The following BARD1 variants were observed in gnomAD, a reference collection of about 807,000 sequenced individuals.
The protein encoded by BARD1 is BRCA1-associated RING domain protein 1.
In BARD1, 73 loss-of-function variants were observed where a neutral mutation model predicts 77.0. The ratio of observed to expected loss-of-function variants is 0.95; its 90% CI spans 0.79 to 1.15. The LOEUF (loss-of-function observed/expected upper bound fraction) is 1.15. BARD1 is among the 50% of genes most tolerant of loss of function. The pLI is 0.00. For synonymous variants in BARD1, 384 were observed against 338.0 expected (o/e 1.14, Z -1.49); for missense variants, 993 against 938.8 (o/e 1.06, Z -0.75).
At chr2:214,801,081 T>C (rs529724567) in intron 1 of BARD1, among the ~76,000 whole-genome samples, 1 of 152,258 alleles carries the variant, frequency 6.6e-6, no homozygotes, top group South Asian at 2.1e-4. Flanking sequence ...TCAGGGGTGA[T>C]GAAGGATGAA....
At chr2:214,793,129 G>A (rs1224833143) in intron 2 of BARD1, among the ~76,000 whole-genome samples, 2 of 152,158 alleles carry the variant, frequency 1.3e-5, no homozygotes, top group African/African-American at 4.8e-5. Context: ...GGCCTCACCA[G>A]ATGGGTTCCA....
intron 6 of BARD1, among the ~76,000 whole-genome samples, chr2:214,763,037 T>G (rs534818533): frequency 5.3e-5 from 8 of 152,150 alleles, no homozygotes; most frequent in Non-Finnish European, 1.2e-4. Flanking sequence ...CACACAGCCT[T>G]TCAAAGACCC....
chr2:214,727,628 T>C lies in BARD1; in HGVS notation c.*1048A>G, dbSNP rs949976476. 4.3e-5 allele frequency: 10 copies of C among 231,544 alleles called. No individual in the cohort carries two copies. In the Admixed American group the frequency reaches 5.6e-4, roughly 13 times the overall value. The allele number at this position is 231,544 out of a possible 1,614,324, so 14.3% of individuals were successfully genotyped here. On this transcript the variant is annotated 3_prime_UTR_variant, in exon 11 of 11. Transcript: ENST00000260947. ...TAAGGCCTTGCCTATTTGATATTAG[T>C]AAGCCCTCCCCATACCTACTTCTAT...
intron 7 of BARD1, among the ~76,000 whole-genome samples, chr2:214,750,740 A>C (rs988451257): frequency 2.0e-5 from 3 of 152,136 alleles, no homozygotes; most frequent in African/African-American, 7.2e-5. Flanking sequence ...TCAGGGAAAG[A>C]CTTTAGTGTC....
intron 3 of BARD1, among the ~76,000 whole-genome samples, chr2:214,783,025 T>C (rs1484198814): frequency 1.3e-5 from 2 of 152,160 alleles, no homozygotes; most frequent in Non-Finnish European, 2.9e-5. Flanking sequence ...GCAGAGAGCA[T>C]ACAAAGTTGT....
At chr2:214,787,920 T>G (rs74494776) in intron 3 of BARD1, among the ~76,000 whole-genome samples, 5,446 of 152,076 alleles carry the variant, frequency 0.036, 113 homozygotes, top group Middle Eastern at 0.065. Flanking sequence ...CAGTCCCTTA[T>G]TAAAAATCAA....
rs1422992322 is a variant in BARD1 at position 214,728,641 on chromosome 2, C to G, written c.*35G>C. On this transcript the variant is annotated 3_prime_UTR_variant, in exon 11 of 11. Coordinates refer to ENST00000260947, the MANE Select transcript of BARD1 (RefSeq NM_000465.4). ...AATGACTGGGCTCTCACAAACCGTGCAAATTCAATTTGAAATGTTCATCTG... is the reference window on the plus strand; with the variant it reads ...AATGACTGGGCTCTCACAAACCGTGGAAATTCAATTTGAAATGTTCATCTG... The G allele has an allele frequency of 6.2e-7, 1 of 1,607,626 alleles. No homozygotes were observed. Among genetic ancestry groups the G allele is most frequent in the South Asian group, 1.1e-5 (1 of 90,704 alleles).
In BARD1 at chr2:214,767,905, G is replaced by T. The variant is rs6755062; in HGVS notation, c.1396-251C>A. ...TGAGCCTTGGGTCAAGCACTTTTCT[G>T]TTTTTTAGAAGAAAATGTAGTTTTA... On this transcript the variant is annotated intron_variant, in intron 5 of 10. Coordinates refer to ENST00000260947, the MANE Select transcript of BARD1 (RefSeq NM_000465.4). Among the ~76,000 whole-genome samples, 56,383 of 151,822 alleles carry T rather than the reference G, an allele frequency of 0.37. 10,590 individuals carry two copies. The highest frequency in any genetic ancestry group is 0.44 in the Middle Eastern group (130 of 294).
intron 9 of BARD1, among the ~76,000 whole-genome samples, chr2:214,739,769 C>T (rs1354842718): frequency 1.3e-5 from 2 of 151,966 alleles, no homozygotes; most frequent in African/African-American, 4.8e-5. Context: ...ATTCTGGCTC[C>T]ATATAAATAT....
chr2:214,752,523 G>A lies in BARD1; in HGVS notation c.1601C>T (p.Thr534Ile), dbSNP rs374293292. The A allele has an allele frequency of 1.8e-5, 29 of 1,613,668 alleles. No homozygotes were observed. In the East Asian group the frequency reaches 2.0e-4, roughly 11 times the overall value. ...NIFGLRPVDY[T>I]DDESMKSLLL... ...TAGCGATTTCATACTTTCATCATCT[G>A]TATAATCGACAGGCCGCAGACCAAA... Residue 534 changes from threonine to isoleucine, a missense_variant, in exon 7 of 11, where the codon ACA (threonine) becomes ATA (isoleucine). Transcript: ENST00000260947.
chr2:214,730,135 T>G, intron 10 of BARD1: 1 of 459,652 alleles, frequency 2.2e-6, no homozygotes, highest in South Asian at 2.2e-5. Context: ...GTAAGTCTTC[T>G]TTCAAGCTAC....
rs542831944 is a variant in BARD1, at chr2:214,758,222, G to A, written c.1569-5667C>T. Among the ~76,000 whole-genome samples the A allele has an allele frequency of 1.5e-3, 224 of 152,244 alleles. 1 individual carries two copies. The highest frequency in any genetic ancestry group is 5.2e-3 in the African/African-American group (217 of 41,554). Reference sequence around the variant, plus strand: ...CAGCCCTGCCACTCAAAAGTCTTATGACTTTACACGAATTACTTAAATCCC... The same window carrying A: ...CAGCCCTGCCACTCAAAAGTCTTATAACTTTACACGAATTACTTAAATCCC... On this transcript the variant is annotated intron_variant, in intron 6 of 10. Coordinates refer to ENST00000260947, the MANE Select transcript of BARD1 (RefSeq NM_000465.4).
chr2:214,809,072 G>A (rs893157001), intron 1 of BARD1, among the ~76,000 whole-genome samples: 10 of 152,238 alleles, frequency 6.6e-5, no homozygotes, highest in Middle Eastern at 3.4e-3. Flanking sequence ...AAATGCAGAA[G>A]CCTCAGCCCC....
At chr2:214,770,201 A>G (rs947958737) in intron 4 of BARD1, among the ~76,000 whole-genome samples, 3 of 152,270 alleles carry the variant, frequency 2.0e-5, no homozygotes, top group African/African-American at 7.2e-5. Context: ...CCACAGAATT[A>G]GCATTAAATT....
chr2:214,781,034 TAA>T lies in BARD1; in HGVS notation c.838_839del (p.Leu280ThrfsTer4), dbSNP rs876659752. The T allele has an allele frequency of 2.5e-6, 4 of 1,611,238 alleles. No homozygotes were observed. The highest frequency in any genetic ancestry group is 3.4e-6 in the Non-Finnish European group (4 of 1,178,850). On this transcript the variant is annotated frameshift_variant, in exon 4 of 11. Transcript: ENST00000260947. LOFTEE classifies it high-confidence loss of function. The part of the protein sequence containing the change: ...ECFGSLTEVS[L>X]PLAEQIESPD... ...GAGACTCTATTTGCTCAGCCAATGG[TAA>T]AGAGACTTCAGTTAAACTTCCAAAA... is the stretch of plus-strand genomic sequence containing the variant.
At chr2:214,783,588 G>C (rs1256566326) in intron 3 of BARD1, among the ~76,000 whole-genome samples, 1 of 152,050 alleles carries the variant, frequency 6.6e-6, no homozygotes, top group Non-Finnish European at 1.5e-5. Flanking sequence ...GGGAGTGAGA[G>C]CATTAGGACA....
intron 4 of BARD1, among the ~76,000 whole-genome samples, chr2:214,769,604 G>A (rs931071520): frequency 6.6e-6 from 1 of 152,106 alleles, no homozygotes; most frequent in African/African-American, 2.4e-5. Flanking sequence ...AGTCGGGCAT[G>A]GTGGTGCCAG....
chr2:214,739,435 T>C (rs781451600), intron 9 of BARD1, among the ~76,000 whole-genome samples: 35 of 152,100 alleles, frequency 2.3e-4, no homozygotes, highest in South Asian at 4.1e-4. Flanking sequence ...AACACCCAGA[T>C]TGTAAAAGCA....
chr2:214,763,945 C>T (rs1403545448), intron 6 of BARD1, among the ~76,000 whole-genome samples: 1 of 152,160 alleles, frequency 6.6e-6, no homozygotes, highest in East Asian at 1.9e-4. Context: ...GTCTCTAGAA[C>T]ATTGAGACAG....
Sources: allele counts gnomAD v4.1 joint callset (sites outside exome capture counted in the v4.1 genomes callset), GRCh38; gene constraint gnomAD v4.1.1; transcripts MANE v1.5; gene names NCBI Gene and HGNC (gene_info 2026-07-23, HGNC 2026-07-21).